Variants in CLNK observed in about 807,000 individuals in gnomAD.
The protein encoded by CLNK is cytokine dependent hematopoietic cell linker, also known as cytokine-dependent hematopoietic cell linker.
A neutral mutation model predicts 68.6 loss-of-function variants in CLNK; 74 were observed. The ratio of observed to expected loss-of-function variants is 1.08; its 90% CI spans 0.89 to 1.31. The LOEUF (loss-of-function observed/expected upper bound fraction) is 1.31. Ranked by LOEUF, CLNK falls within the 50% of genes most tolerant of loss-of-function variation. The pLI, the probability that CLNK is intolerant of heterozygous loss-of-function variation, is 0.00. For synonymous variants in CLNK, 198 were observed against 172.2 expected, an observed-to-expected ratio of 1.15 and a Z score of -1.17; for missense variants, 553 against 515.3, an observed-to-expected ratio of 1.07 and a Z score of -0.71.
At chr4:10,554,431 A>T (rs1719583673) in intron 8 of CLNK, among the ~76,000 whole-genome samples, 1 of 152,152 alleles carries the variant, frequency 6.6e-6, no homozygotes, top group African/African-American at 2.4e-5. Flanking sequence ...CTTGTTTTTC[A>T]GTCTCTTGTT....
At chr4:10,579,971 T>C (rs1461907334) in intron 4 of CLNK, among the ~76,000 whole-genome samples, 1 of 152,236 alleles carries the variant, frequency 6.6e-6, no homozygotes, top group Admixed American at 6.5e-5. Context: ...CAACCACTTT[T>C]CTGCCACACA....
chr4:10,679,529 C>G (rs540729263), intron 1 of CLNK, among the ~76,000 whole-genome samples: 1 of 152,154 alleles, frequency 6.6e-6, no homozygotes. Flanking sequence ...TCTAATTAAA[C>G]TAAAGAGCTC....
intron 4 of CLNK, among the ~76,000 whole-genome samples, chr4:10,581,998 C>T (rs753740986): frequency 2.0e-5 from 3 of 152,104 alleles, no homozygotes; most frequent in Admixed American, 6.6e-5. Context: ...TGCCAAAGAG[C>T]GTAAACCCTA....
intron 1 of CLNK, among the ~76,000 whole-genome samples, chr4:10,677,750 T>G (rs1014487424): frequency 4.6e-5 from 7 of 152,102 alleles, no homozygotes; most frequent in Non-Finnish European, 1.0e-4. Context: ...TGTGGAACTG[T>G]GAGTCAATTA....
chr4:10,511,565 C>T (rs1049362608), intron 16 of CLNK, among the ~76,000 whole-genome samples: 3 of 152,174 alleles, frequency 2.0e-5, no homozygotes, highest in Non-Finnish European at 4.4e-5. Context: ...TCCTACCTTC[C>T]GTCTCTATGA....
chr4:10,659,676 G>A (rs1383606589), intron 2 of CLNK, among the ~76,000 whole-genome samples: 1 of 152,130 alleles, frequency 6.6e-6, no homozygotes, highest in East Asian at 1.9e-4. Flanking sequence ...GAACCAAGCT[G>A]GAGGCAACTG....
intron 7 of CLNK, among the ~76,000 whole-genome samples, chr4:10,560,588 C>A (rs570049663): frequency 6.6e-6 from 1 of 151,816 alleles, no homozygotes; most frequent in African/African-American, 2.4e-5. Context: ...GGACTACAGG[C>A]GTGCGTCACC....
At chr4:10,541,939 A>T in intron 10 of CLNK, 83 bp downstream of exon 10, 1 of 1,037,716 alleles carries the variant, frequency 9.6e-7, no homozygotes. Flanking sequence ...TCAATGTCAA[A>T]TGTTTGTGTT....
chr4:10,724,672 G>T, the CLNK span, among the ~76,000 whole-genome samples: 1 of 152,104 alleles, frequency 6.6e-6, no homozygotes, highest in Non-Finnish European at 1.5e-5. Flanking sequence ...AAGAAGAGAG[G>T]AATGAATGAA....
rs765836021 is a variant in CLNK, at chr4:10,507,947, AG to A, written c.984+11del. 6.3e-7 allele frequency: 1 copy of A among 1,591,514 alleles called. No homozygotes were observed. Among genetic ancestry groups the A allele is most frequent in the East Asian group, 2.2e-5 (1 of 44,538 alleles). On this transcript the variant is annotated intron_variant, in intron 17 of 18. Transcript: ENST00000226951. ...TAGAAACAATAATGATGGGCCACGT[AG>A]AAGGCATTACCTTGTTCTCCTTCAT...
chr4:10,543,342 A>G (rs200389439), intron 8 of CLNK, among the ~76,000 whole-genome samples: 1 of 152,198 alleles, frequency 6.6e-6, no homozygotes, highest in African/African-American at 2.4e-5. Flanking sequence ...GCTGTTGGGG[A>G]ATCAGTGAGA....
chr4:10,699,243 T>TATGTGTGTGTATACACAC, the CLNK span, among the ~76,000 whole-genome samples: 564 of 54,734 alleles, frequency 0.01, 47 homozygotes, highest in African/African-American at 0.033. Context: ...TACACACACA[T>TATGTGTGTGTATACACAC]ACACACCACG....
the CLNK span, among the ~76,000 whole-genome samples, chr4:10,730,086 G>T: frequency 3.5e-4 from 53 of 152,314 alleles, no homozygotes; most frequent in African/African-American, 1.2e-3. Flanking sequence ...GATATGGCCA[G>T]TGGCTGTGTT....
At chr4:10,707,212 A>G in the CLNK span, among the ~76,000 whole-genome samples, 1 of 152,118 alleles carries the variant, frequency 6.6e-6, no homozygotes, top group Admixed American at 6.5e-5. Flanking sequence ...ATATACTAAC[A>G]CTAACAATAA....
chr4:10,713,544 G>T, the CLNK span, among the ~76,000 whole-genome samples: 1 of 152,012 alleles, frequency 6.6e-6, no homozygotes, highest in Non-Finnish European at 1.5e-5. Flanking sequence ...TAGTGAGGGG[G>T]TTTCTAAAAT....
intron 15 of CLNK, among the ~76,000 whole-genome samples, chr4:10,518,066 G>A (rs1454353174): frequency 6.6e-6 from 1 of 151,754 alleles, no homozygotes; most frequent in Non-Finnish European, 1.5e-5. Context: ...CATGAAATAG[G>A]ACTCTCCTAA....
chr4:10,506,218 C>T (rs1717286808), intron 17 of CLNK, among the ~76,000 whole-genome samples: 1 of 152,174 alleles, frequency 6.6e-6, no homozygotes, highest in African/African-American at 2.4e-5. Flanking sequence ...CTTTTGGCCA[C>T]ATGTAGGTTT....
chr4:10,493,704 C>A (rs113784330), intron 18 of CLNK, among the ~76,000 whole-genome samples: 1 of 113,986 alleles, frequency 8.8e-6, no homozygotes, highest in Non-Finnish European at 1.6e-5. Flanking sequence ...AGGTAAGGTA[C>A]TTTCCCCATT....
chr4:10,513,363 A>T, intron 16 of CLNK, 101 bp downstream of exon 16: 1 of 1,125,342 alleles, frequency 8.9e-7, no homozygotes, highest in African/African-American at 1.6e-5. Context: ...GGAAAAAGTT[A>T]AAGTCAAACA....
Sources: gnomAD v4.1 joint callset for allele counts (sites outside exome capture counted in the v4.1 genomes callset) on GRCh38, gnomAD v4.1.1 for gene constraint, MANE v1.5 for transcripts, NCBI Gene and HGNC (gene_info 2026-07-23, HGNC 2026-07-21) for gene names.